The following ST6GALNAC5 variants were observed in gnomAD, a reference collection of about 807,000 sequenced individuals.
ST6GALNAC5 encodes the protein ST6 N-acetylgalactosaminide alpha-2,6-sialyltransferase 5.
Under a neutral mutation model 33.6 loss-of-function variants are expected in ST6GALNAC5, and 27 were observed. That is an observed-to-expected ratio of 0.80 (90% CI 0.59 to 1.11). The LOEUF (loss-of-function observed/expected upper bound fraction) is 1.11, where lower values mean the gene tolerates loss of function less well. Ranked by LOEUF, ST6GALNAC5 falls within the 50% of genes least tolerant of loss-of-function variation. The pLI, the probability that ST6GALNAC5 is intolerant of heterozygous loss-of-function variation, is 0.00. For synonymous variants in ST6GALNAC5, 194 were observed against 171.2 expected (o/e 1.13, Z -1.04); for missense variants, 428 against 454.0 (o/e 0.94, Z 0.52).
At chr1:76,884,732 A>G (rs1009084653) in intron 2 of ST6GALNAC5, among the ~76,000 whole-genome samples, 2 of 152,174 alleles carry the variant, frequency 1.3e-5, no homozygotes, top group African/African-American at 4.8e-5. Context: ...GTGGTTTGTC[A>G]TGGGCTTTTC....
intron 2 of ST6GALNAC5, among the ~76,000 whole-genome samples, chr1:76,965,406 C>T (rs974120142): frequency 5.3e-5 from 8 of 152,158 alleles, no homozygotes; most frequent in African/African-American, 1.7e-4. Context: ...GCATAAATGT[C>T]TTCTTTTGAG....
chr1:76,992,766 A>AT (rs1221968773), intron 2 of ST6GALNAC5, among the ~76,000 whole-genome samples: 1 of 152,192 alleles, frequency 6.6e-6, no homozygotes, highest in Non-Finnish European at 1.5e-5. Flanking sequence ...AAGTGCTGGT[A>AT]TTACAGGCAT....
chr1:77,051,221 G>C (rs1652207216), intron 4 of ST6GALNAC5, among the ~76,000 whole-genome samples: 1 of 152,080 alleles, frequency 6.6e-6, no homozygotes, highest in Non-Finnish European at 1.5e-5. Flanking sequence ...GAGTCTTTAG[G>C]CAAAAGCTGC....
intron 2 of ST6GALNAC5, among the ~76,000 whole-genome samples, chr1:77,000,990 C>T (rs1459158744): frequency 2.0e-5 from 3 of 150,734 alleles, no homozygotes. Context: ...TTTTTGGTTC[C>T]ATATGAACTT....
At chr1:77,043,337 G>T (rs754222027) in intron 2 of ST6GALNAC5, among the ~76,000 whole-genome samples, 10 of 152,240 alleles carry the variant, frequency 6.6e-5, no homozygotes, top group Admixed American at 1.3e-4. Flanking sequence ...CAAATCATTG[G>T]TTCAGGGCAT....
intron 2 of ST6GALNAC5, among the ~76,000 whole-genome samples, chr1:76,978,436 A>G (rs1102452): frequency 0.83 from 125,860 of 152,160 alleles, 52,470 homozygotes; most frequent in East Asian, 0.93. Flanking sequence ...CACCATGATC[A>G]ACTGATTCAT....
At chr1:76,876,787 G>C (rs1371502414) in intron 2 of ST6GALNAC5, among the ~76,000 whole-genome samples, 1 of 152,170 alleles carries the variant, frequency 6.6e-6, no homozygotes, top group Non-Finnish European at 1.5e-5. Flanking sequence ...GTCCACTTTT[G>C]GGTGGTGCCT....
At position 77,044,346 on chromosome 1, in the gene ST6GALNAC5, T is replaced by C. The variant is rs756654226; in HGVS notation, c.404T>C (p.Val135Ala). 159 of 1,613,840 alleles carry C rather than the reference T, an allele frequency of 9.9e-5. No individual in the cohort carries two copies. The highest frequency in any genetic ancestry group is 1.3e-4 in the Non-Finnish European group (159 of 1,180,040). Residue 135 changes from valine (V) to alanine (A), a missense_variant, in exon 3 of 5, where the codon GTG (valine) becomes GCG (alanine). Coordinates refer to ENST00000477717, the MANE Select transcript of ST6GALNAC5 (RefSeq NM_030965.3). ...CCCACACGCGGCTATGGGCGTGACGTGGGCAATCGCACCAGCCTGAGGGTC... is the reference window on the plus strand; with the variant it reads ...CCCACACGCGGCTATGGGCGTGACGCGGGCAATCGCACCAGCCTGAGGGTC... ...DAPTRGYGRDVGNRTSLRVIA... is the reference protein window; with the variant it reads ...DAPTRGYGRDAGNRTSLRVIA...
intron 2 of ST6GALNAC5, among the ~76,000 whole-genome samples, chr1:77,002,122 G>A (rs1272591589): frequency 6.6e-6 from 1 of 151,982 alleles, no homozygotes; most frequent in Admixed American, 6.6e-5. Flanking sequence ...TCTGGTCCTG[G>A]ACTCTTTTTG....
intron 2 of ST6GALNAC5, among the ~76,000 whole-genome samples, chr1:76,982,040 C>A (rs1207443730): frequency 6.6e-6 from 1 of 152,178 alleles, no homozygotes; most frequent in African/African-American, 2.4e-5. Context: ...GTAGATAAAA[C>A]CACAAAGATG....
chr1:77,050,466 T>A (rs1254386962), intron 4 of ST6GALNAC5, 101 bp downstream of exon 4: 8 of 1,078,966 alleles, frequency 7.4e-6, no homozygotes, highest in Non-Finnish European at 1.1e-5. Flanking sequence ...AACTGTCTTC[T>A]TGAAGCAATT....
At chr1:76,874,547 A>G in intron 2 of ST6GALNAC5, among the ~76,000 whole-genome samples, 1 of 152,150 alleles carries the variant, frequency 6.6e-6, no homozygotes, top group Non-Finnish European at 1.5e-5. Flanking sequence ...AAAACTGTAG[A>G]ATTTAGAGTC....
chr1:76,962,922 A>G (rs1248494001), intron 2 of ST6GALNAC5, among the ~76,000 whole-genome samples: 1 of 152,214 alleles, frequency 6.6e-6, no homozygotes, highest in Admixed American at 6.5e-5. Context: ...TTGAAGGAAA[A>G]AGCTGAACAT....
At chr1:76,987,495 T>C (rs1407516657) in intron 2 of ST6GALNAC5, among the ~76,000 whole-genome samples, 1 of 152,184 alleles carries the variant, frequency 6.6e-6, no homozygotes, top group African/African-American at 2.4e-5. Context: ...CTGGTCAGAA[T>C]GCAAAATGTT....
At chr1:77,042,515 T>C (rs940287317) in intron 2 of ST6GALNAC5, among the ~76,000 whole-genome samples, 3 of 152,224 alleles carry the variant, frequency 2.0e-5, no homozygotes, top group Non-Finnish European at 4.4e-5. Context: ...TCATAAGCCC[T>C]GCATCAATTA....
chr1:76,911,926 C>T (rs972235205), intron 2 of ST6GALNAC5, among the ~76,000 whole-genome samples: 1 of 152,086 alleles, frequency 6.6e-6, no homozygotes, highest in Non-Finnish European at 1.5e-5. Flanking sequence ...CTATTTCCTT[C>T]AGTTCTGCTC....
At chr1:76,915,203 G>C (rs1477608445) in intron 2 of ST6GALNAC5, among the ~76,000 whole-genome samples, 1 of 151,428 alleles carries the variant, frequency 6.6e-6, no homozygotes, top group African/African-American at 2.4e-5. Context: ...ACAGGTGCTG[G>C]AGAGGATGTG....
Position 77,035,114 on chromosome 1 carries a change from G to T in ST6GALNAC5, c.262-9090G>T, listed in dbSNP as rs1378682721. Among the ~76,000 whole-genome samples the T allele has an allele frequency of 3.3e-5, 5 of 152,164 alleles. No homozygotes were observed. In the East Asian group the frequency reaches 7.7e-4, roughly 24 times the overall value. On this transcript the variant is annotated intron_variant, in intron 2 of 4. Coordinates refer to ENST00000477717, the MANE Select transcript of ST6GALNAC5 (RefSeq NM_030965.3). ...CATCATGGAGCATCTGATTCAGAAG[G>T]TCTAGGGCAGTGCCTGAATATTCAC...
intron 4 of ST6GALNAC5, among the ~76,000 whole-genome samples, chr1:77,051,059 G>A (rs928370519): frequency 2.0e-5 from 3 of 152,180 alleles, no homozygotes; most frequent in African/African-American, 7.2e-5. Flanking sequence ...TTTTGGGAAC[G>A]CCTGATGGCC....
Sources: gnomAD v4.1 joint callset for allele counts (sites outside exome capture counted in the v4.1 genomes callset) on GRCh38, gnomAD v4.1.1 for gene constraint, MANE v1.5 for transcripts, NCBI Gene and HGNC (gene_info 2026-07-23, HGNC 2026-07-21) for gene names.